ZSCAN18: variants seen among roughly 807,000 people sequenced by gnomAD.
ZSCAN18 encodes zinc finger and SCAN domain-containing protein 18.
ZSCAN18 carries 16 observed loss-of-function variants against 31.1 expected under a neutral mutation model. The ratio of observed to expected loss-of-function variants is 0.51; its 90% CI spans 0.35 to 0.78. ZSCAN18 has a LOEUF of 0.78. Among genes scored for constraint, ZSCAN18 ranks in the 30% least tolerant of loss-of-function variants. ZSCAN18 has a pLI of 0.01. For missense variants in ZSCAN18, 731 were observed against 697.4 expected, an observed-to-expected ratio of 1.05 and a Z score of -0.54; for synonymous variants, 375 against 320.7, an observed-to-expected ratio of 1.17 and a Z score of -1.81.
chr19:58,115,211 G>C (rs2074720376), intron 1 of ZSCAN18, among the ~76,000 whole-genome samples: 1 of 152,308 alleles, frequency 6.6e-6, no homozygotes, highest in African/African-American at 2.4e-5. Context: ...GCTGATCCAA[G>C]TTCAATCCTA....
At chr19:58,103,638 A>G (rs1157827182) in intron 1 of ZSCAN18, among the ~76,000 whole-genome samples, 2 of 152,124 alleles carry the variant, frequency 1.3e-5, no homozygotes, top group Non-Finnish European at 2.9e-5. Flanking sequence ...CTCTCTCTCA[A>G]TCTCTTTCCT....
At chr19:58,099,965 T>TTTTTG (rs1555802339), upstream of ZSCAN18, among the ~76,000 whole-genome samples, 2 of 12,684 alleles carry the variant, frequency 1.6e-4, no homozygotes, top group East Asian at 2.2e-3. Flanking sequence ...GAAAGCTATG[T>TTTTTG]TTTTTTTTTT....
intron 1 of ZSCAN18, among the ~76,000 whole-genome samples, chr19:58,114,974 C>T (rs956106598): frequency 1.3e-5 from 2 of 152,136 alleles, no homozygotes; most frequent in Admixed American, 6.5e-5. Flanking sequence ...ATGATGCTAG[C>T]GCTAGAAGCT....
In ZSCAN18 at chr19:58,094,875, CGCA is replaced by C. The variant is rs1178690093; in HGVS notation, c.-120+3296_-120+3298del. 5.9e-3 allele frequency among the ~76,000 whole-genome samples: 379 copies of C among 64,324 alleles called. 1 individual carries two copies. Among genetic ancestry groups the C allele is most frequent in the African/African-American group, 0.024 (362 of 15,318 alleles). The allele number at this position is 64,324 out of a possible 152,430, so 42.2% of individuals were successfully genotyped here. A position where few individuals can be genotyped will look rare whatever the true frequency, so the allele number is the denominator to read the frequency against. ...CCTGGGTAACAGAGTGAGACCCTGT[CGCA>C]AAAAAAAAAAAAAAAAAAAAAAAAA... On this transcript the variant is annotated intron_variant, in intron 1 of 6. Coordinates refer to ENST00000601144, the MANE Select transcript of ZSCAN18 (RefSeq NM_001145543.2).
At chr19:58,111,104 C>G (rs1390431656) in intron 1 of ZSCAN18, among the ~76,000 whole-genome samples, 1 of 151,936 alleles carries the variant, frequency 6.6e-6, no homozygotes, top group Non-Finnish European at 1.5e-5. Context: ...GGAGGCGGAG[C>G]TTGCAGTGAG....
Position 58,085,144 on chromosome 19 carries a change from A to G in ZSCAN18, c.1074T>C (p.Pro358=), listed in dbSNP as rs1435357671. 6.2e-7 allele frequency: 1 copy of G among 1,610,562 alleles called. No homozygotes were observed. The highest frequency in any genetic ancestry group is 8.5e-7 in the Non-Finnish European group (1 of 1,178,900). Residue 358 remains proline (P), a synonymous_variant, in exon 7 of 7, where the codon CCT becomes CCC. Coordinates refer to ENST00000601144, the MANE Select transcript of ZSCAN18 (RefSeq NM_001145543.2). ...GSQRQSVIQQ[P]APDRGTAKLG... The stretch of plus-strand genomic sequence containing the variant: ...GTTTCGCCGTGCCCCTGTCCGGGGC[A>G]GGCTGCTGGATGACGGACTGCCTCT...
intron 1 of ZSCAN18, among the ~76,000 whole-genome samples, chr19:58,113,073 T>C (rs1279567510): frequency 6.7e-6 from 1 of 150,100 alleles, no homozygotes; most frequent in East Asian, 2.0e-4. Flanking sequence ...TCCAACACTT[T>C]GGGAGGCCGA....
In ZSCAN18 at chr19:58,084,693, G is replaced by A; in HGVS notation, c.1525C>T (p.Gln509Ter). 6.7e-7 allele frequency: 1 copy of A among 1,495,444 alleles called. No individual in the cohort carries two copies. The allele number at this position is 1,495,444 out of a possible 1,614,324, so 92.6% of individuals were successfully genotyped here. ...GEAPPAPPEA[Q>*]R ...CGGGACAGCACAGCGGCTCACCTCT[G>A]CGCCTCTGGGGGTGCGGGGGGAGCC... Residue 509 changes from glutamine (Q) to a stop codon, truncating the protein, a stop_gained, in exon 7 of 7, where the codon CAG (glutamine) becomes TAG (stop). Transcript: ENST00000601144. LOFTEE classifies it high-confidence loss of function. This position sits in a 1 kb window ranked among gnomAD's most constrained non-coding sequence, Gnocchi z 4.5.
chr19:58,085,084 G>A lies in ZSCAN18; in HGVS notation c.1134C>T (p.Asp378=), dbSNP rs1276782557. 6 of 1,604,390 alleles carry A rather than the reference G, an allele frequency of 3.7e-6. No individual in the cohort carries two copies. The South Asian group carries it at 4.4e-5, about 12-fold the overall frequency. Residue 378 remains aspartate, a synonymous_variant, in exon 7 of 7, where the codon GAC becomes GAT. Transcript: ENST00000601144. ...TAGAGACGCCCTCGAGGCTCTGCCC[G>A]TCCCCATCCTCGGGGTGCGGCCTCT... ...GTKRPHPEDG[D]GQSLEGVSSS...
chr19:58,111,780 G>A (rs1479475965), intron 1 of ZSCAN18, among the ~76,000 whole-genome samples: 1 of 142,410 alleles, frequency 7.0e-6, no homozygotes, highest in Non-Finnish European at 1.6e-5. Context: ...ACCAAAGCCA[G>A]GCAAGCACAC....
At chr19:58,108,241 T>G in intron 1 of ZSCAN18, 1 of 985,532 alleles carries the variant, frequency 1.0e-6, no homozygotes, top group South Asian at 4.7e-5. Context: ...AAGGCCTTTC[T>G]ACACCCAGTA....
rs558221884 is a variant in ZSCAN18 at position 58,085,342 on chromosome 19, G to A, written c.876C>T (p.Cys292=). The A allele has an allele frequency of 3.8e-6, 6 of 1,593,230 alleles. No individual in the cohort carries two copies. The highest frequency in any genetic ancestry group is 1.7e-5 in the Admixed American group (1 of 59,658). ...GCACCCCCGCGGGGGCGGCCTCCTC[G>A]CAGGCGCACCCAGCGCTCTCCTGCC... ...GRRQESAGCA[C]EEAAPAGVLP... is the part of the protein sequence containing the mutation. The change falls in exon 7 of 7, where the codon TGC becomes TGT. Residue 292 remains cysteine (C), a synonymous_variant. Coordinates refer to ENST00000601144, the MANE Select transcript of ZSCAN18 (RefSeq NM_001145543.2).
rs373420649 is a variant in ZSCAN18, at chr19:58,085,061, G to C, written c.1157C>G (p.Ser386Cys). ...DGDGQSLEGV[S>C]SSGDSAGLEA... ...CAGCCCTGCGCTGTCGCCGGAGCTA[G>C]AGACGCCCTCGAGGCTCTGCCCGTC... The change falls in exon 7 of 7, where the codon TCT (serine) becomes TGT (cysteine). Residue 386 changes from serine to cysteine, a missense_variant. Transcript: ENST00000601144. 8.6e-5 allele frequency: 138 copies of C among 1,600,676 alleles called. No homozygotes were observed. The highest frequency in any genetic ancestry group is 1.1e-4 in the Non-Finnish European group (126 of 1,172,676).
At chr19:58,094,336 G>A (rs376284131) in intron 1 of ZSCAN18, among the ~76,000 whole-genome samples, 155 of 151,622 alleles carry the variant, frequency 1.0e-3, no homozygotes, top group African/African-American at 3.5e-3. Context: ...GTGTGAACCC[G>A]GCAGGCGGAG....
At chr19:58,103,176 C>A (rs1474393456), upstream of ZSCAN18, among the ~76,000 whole-genome samples, 1 of 148,234 alleles carries the variant, frequency 6.7e-6, no homozygotes, top group African/African-American at 2.5e-5. Flanking sequence ...CACTGATTAA[C>A]CTGGTTTGTT....
intron 2 of ZSCAN18, among the ~76,000 whole-genome samples, chr19:58,089,041 C>T (rs929007413): frequency 5.9e-5 from 9 of 151,990 alleles, no homozygotes; most frequent in African/African-American, 1.7e-4. Flanking sequence ...CGGTGGCTCA[C>T]GCCTGTAATC....
chr19:58,087,061 C>T, intron 4 of ZSCAN18, 53 bp from the exon 5 acceptor site: 1 of 1,432,006 alleles, frequency 7.0e-7, no homozygotes, highest in Non-Finnish European at 9.6e-7. Context: ...GAAGGGAGGA[C>T]CCGCCGCAGC....
intron 1 of ZSCAN18, chr19:58,109,222 C>G (rs113995083): frequency 1.6e-6 from 2 of 1,231,610 alleles, no homozygotes. Flanking sequence ...CCCTGATGAA[C>G]CTTTTTATTT....
At position 58,085,179 on chromosome 19, in the gene ZSCAN18, T is replaced by G; in HGVS notation, c.1039A>C (p.Thr347Pro). 6.2e-7 allele frequency: 1 copy of G among 1,610,630 alleles called. No individual in the cohort carries two copies. Among genetic ancestry groups the G allele is most frequent in the Non-Finnish European group, 8.5e-7 (1 of 1,179,418 alleles). ...ATGACGGACTGCCTCTGCGATCCGG[T>G]GGCAGAGTCGGACTCCGCGTCCTGG... Reference protein sequence around the residue: ...DPQDAESDSATGSQRQSVIQQ... With the variant: ...DPQDAESDSAPGSQRQSVIQQ... The change falls in exon 7 of 7, where the codon ACC becomes CCC. Residue 347 changes from threonine (T) to proline (P), a missense_variant. This residue lies in a region of ZSCAN18 where 597 missense variants were observed against 499.5 expected (regional missense o/e 1.20). Transcript: ENST00000601144.
Sources: gnomAD v4.1 joint callset for allele counts (sites outside exome capture counted in the v4.1 genomes callset) on GRCh38, gnomAD v4.1.1 for gene constraint, gnomAD v4.1.1 regional missense constraint, Gnocchi (gnomAD v3.1) non-coding constraint, MANE v1.5 for transcripts, NCBI Gene and HGNC (gene_info 2026-07-23, HGNC 2026-07-21) for gene names.